The following ACSM3 variants were observed in gnomAD, a reference collection of about 807,000 sequenced individuals.
The protein encoded by ACSM3 is acyl-CoA synthetase medium chain family member 3.
In ACSM3, 61 loss-of-function variants were observed where a neutral mutation model predicts 74.1. The ratio of observed to expected loss-of-function variants is 0.82; its 90% CI spans 0.67 to 1.02. The LOEUF (loss-of-function observed/expected upper bound fraction) is 1.02. Among genes scored for constraint, ACSM3 ranks in the 50% least tolerant of loss-of-function variants. The pLI, the probability that ACSM3 is intolerant of heterozygous loss-of-function variation, is 0.00. For missense variants in ACSM3, 660 were observed against 697.0 expected (o/e 0.95, Z 0.60); for synonymous variants, 213 against 241.5 (o/e 0.88, Z 1.09).
At chr16:20,717,455 C>T (rs1457444135) in intron 1 of ACSM3, among the ~76,000 whole-genome samples, 2 of 152,170 alleles carry the variant, frequency 1.3e-5, no homozygotes, top group Admixed American at 6.6e-5. Context: ...TGATAAGCAA[C>T]TCATTCTGTC....
At chr16:20,728,630 A>G (rs1349114446) in intron 1 of ACSM3, 2 of 360,738 alleles carry the variant, frequency 5.5e-6, no homozygotes, top group Non-Finnish European at 1.0e-5. Context: ...ATCACCTATC[A>G]CCTGAGTACT....
intron 1 of ACSM3, chr16:20,742,090 C>G (rs1302982593): frequency 3.9e-6 from 5 of 1,297,792 alleles, no homozygotes; most frequent in Non-Finnish European, 5.0e-6. Flanking sequence ...TTCCTCCAGC[C>G]TTCCCTATAA....
intron 10 of ACSM3, chr16:20,791,020 C>T: frequency 4.3e-6 from 6 of 1,410,088 alleles, no homozygotes; most frequent in Non-Finnish European, 5.9e-6. Context: ...AGTTAGTGCT[C>T]TTTCTTTTCG....
chr16:20,741,479 C>CGGGGGGGGGGGGGGGGGGG, intron 1 of ACSM3: 5 of 1,329,520 alleles, frequency 3.8e-6, no homozygotes, highest in East Asian at 6.2e-5. Flanking sequence ...GCCTGGCAGC[C>CGGGGGGGGGGGGGGGGGGG]GGCCCGCCCG....
At chr16:20,732,136 A>G (rs1238120197) in intron 1 of ACSM3, among the ~76,000 whole-genome samples, 1 of 152,186 alleles carries the variant, frequency 6.6e-6, no homozygotes, top group African/African-American at 2.4e-5. Flanking sequence ...ATTAATATTC[A>G]GAAAGAATAC....
chr16:20,737,323 ATACCAT>A (rs753526623), intron 1 of ACSM3: 2 of 1,561,510 alleles, frequency 1.3e-6, no homozygotes, highest in East Asian at 2.2e-5. Flanking sequence ...GCTGAGGAGG[ATACCAT>A]TACATCTGAT....
Position 20,770,109 on chromosome 16 carries a change from G to C in ACSM3, c.75G>C (p.Val25=), listed in dbSNP as rs755355248. ...AGCGCCTAGCAATTTTTGGTTCTGT[G>C]AGGGCACTGCATAAAGATAATAGAA... ...CFQRLAIFGS[V]RALHKDNRTA... is the part of the protein sequence containing the mutation. Residue 25 remains valine (V), a synonymous_variant, in exon 2 of 14, where the codon GTG becomes GTC. Coordinates refer to ENST00000289416, the MANE Select transcript of ACSM3 (RefSeq NM_005622.4). 1 of 1,614,044 alleles carries C rather than the reference G, an allele frequency of 6.2e-7. No homozygotes were observed. The highest frequency in any genetic ancestry group is 1.7e-5 in the Admixed American group (1 of 59,994).
chr16:20,753,293 G>A (rs548216856), intron 2 of ACSM3, among the ~76,000 whole-genome samples: 68 of 151,682 alleles, frequency 4.5e-4, no homozygotes, highest in South Asian at 2.3e-3. Context: ...GTGAAACCCC[G>A]TCTCTACTAA....
chr16:20,756,376 G>C (rs1405015850), intron 3 of ACSM3, among the ~76,000 whole-genome samples: 1 of 151,850 alleles, frequency 6.6e-6, no homozygotes, highest in Non-Finnish European at 1.5e-5. Context: ...GCATTTCTCT[G>C]ATGGCCAGTG....
At chr16:20,772,741 A>G (rs539011395) in intron 2 of ACSM3, among the ~76,000 whole-genome samples, 2 of 152,254 alleles carry the variant, frequency 1.3e-5, no homozygotes, top group East Asian at 3.9e-4. Flanking sequence ...TGCCAATACC[A>G]TGCTGTTTTG....
chr16:20,796,665 A>C (rs1172277877), intron 13 of ACSM3, 176 bp downstream of exon 13: 11 of 1,477,610 alleles, frequency 7.4e-6, no homozygotes, highest in Non-Finnish European at 9.8e-6. Flanking sequence ...CCCTGAACCT[A>C]TTTTGTTTGG....
rs1232969207 is a variant in ACSM3, at chr16:20,789,680, TTTTC to T, written c.1225-903_1225-900del. 13 of 633,126 alleles carry T rather than the reference TTTTC, an allele frequency of 2.1e-5. No individual in the cohort carries two copies. In the East Asian group the frequency reaches 3.1e-4, roughly 15 times the overall value. The allele number at this position is 633,126 out of a possible 1,614,324, so 39.2% of individuals were successfully genotyped here. On this transcript the variant is annotated intron_variant, in intron 9 of 13. Coordinates refer to ENST00000289416, the MANE Select transcript of ACSM3 (RefSeq NM_005622.4). ...ACTGTATATTATAAAGCAACTCTAT[TTTTC>T]TTTTTTTTTTTTTTTTTTTGAGATG... is the stretch of plus-strand genomic sequence containing the variant.
At chr16:20,737,860 GTGC>G in intron 1 of ACSM3, 1 of 1,613,784 alleles carries the variant, frequency 6.2e-7, no homozygotes. Flanking sequence ...AGCCTTGCAT[GTGC>G]CTGAGATGGG....
intron 3 of ACSM3, among the ~76,000 whole-genome samples, chr16:20,776,707 TCA>T (rs2080260061): frequency 6.6e-6 from 1 of 152,204 alleles, no homozygotes; most frequent in Non-Finnish European, 1.5e-5. Context: ...AACCTGAAGC[TCA>T]CAGAGGTGAA....
At chr16:20,759,559 CAAAAAA>C (rs35117717), upstream of ACSM3, among the ~76,000 whole-genome samples, 2 of 76,156 alleles carry the variant, frequency 2.6e-5, no homozygotes, top group Non-Finnish European at 5.4e-5. Flanking sequence ...GACTCCATCT[CAAAAAA>C]AAAAAAAAAA....
intron 1 of ACSM3, among the ~76,000 whole-genome samples, chr16:20,687,762 AC>A (rs2079579159): frequency 2.0e-5 from 3 of 152,044 alleles, no homozygotes; most frequent in Non-Finnish European, 4.4e-5. Context: ...AAATAACAAT[AC>A]CAACAAAAAG....
chr16:20,756,556 T>A (rs1314266153), intron 3 of ACSM3, among the ~76,000 whole-genome samples: 2 of 152,258 alleles, frequency 1.3e-5, no homozygotes, highest in East Asian at 3.8e-4. Flanking sequence ...ATGAGTAGGT[T>A]GCGAAAATTT....
At chr16:20,754,054 C>T (rs2080009808) in intron 2 of ACSM3, among the ~76,000 whole-genome samples, 1 of 152,126 alleles carries the variant, frequency 6.6e-6, no homozygotes, top group Admixed American at 6.6e-5. Context: ...GGACCTTGGA[C>T]AATTTTTCCA....
At chr16:20,709,725 C>T (rs9939104) in intron 1 of ACSM3, among the ~76,000 whole-genome samples, 74,030 of 152,088 alleles carry the variant, frequency 0.49, 18,964 homozygotes, top group Non-Finnish European at 0.58. Flanking sequence ...TATTTAAAAG[C>T]TTTTAAAATA....
Sources: allele counts gnomAD v4.1 joint callset (sites outside exome capture counted in the v4.1 genomes callset), GRCh38; gene constraint gnomAD v4.1.1; transcripts MANE v1.5; gene names NCBI Gene and HGNC (gene_info 2026-07-23, HGNC 2026-07-21).